IREB2: variants seen among roughly 807,000 people sequenced by gnomAD.
The protein encoded by IREB2 is iron-responsive element-binding protein 2.
IREB2 carries 39 observed loss-of-function variants against 118.8 expected under a neutral mutation model. The ratio of observed to expected loss-of-function variants is 0.33; its 90% CI spans 0.25 to 0.43. The LOEUF is 0.43. Among genes scored for constraint, IREB2 ranks in the 20% least tolerant of loss-of-function variants. The probability of loss-of-function intolerance (pLI) is 1.00; values close to 1 mark genes in which losing one functional copy is unlikely to be tolerated. For synonymous variants in IREB2, 372 were observed against 392.2 expected (o/e 0.95, Z 0.61); for missense variants, 900 against 1,147.3 (o/e 0.78, Z 3.11).
At chr15:78,456,213 C>T (rs2051102695) in intron 2 of IREB2, among the ~76,000 whole-genome samples, 1 of 152,134 alleles carries the variant, frequency 6.6e-6, no homozygotes, top group African/African-American at 2.4e-5. Flanking sequence ...TTGGCTACCA[C>T]AGGGAGAAAT....
Position 78,498,239 on chromosome 15 carries a change from G to T in IREB2, c.*96G>T. The T allele has an allele frequency of 1.5e-6, 1 of 663,516 alleles. No individual in the cohort carries two copies. Among genetic ancestry groups the T allele is most frequent in the African/African-American group, 1.8e-5 (1 of 55,008 alleles). The allele number at this position is 663,516 out of a possible 1,614,324, so 41.1% of individuals were successfully genotyped here. On this transcript the variant is annotated 3_prime_UTR_variant, in exon 22 of 22. Coordinates refer to ENST00000258886, the MANE Select transcript of IREB2 (RefSeq NM_004136.4). ...TACCATGGAGCAGCAGATAGTCCCA[G>T]TATACTCACTTATCTCATCCATGGA...
At position 78,438,323 on chromosome 15, in the gene IREB2, A is replaced by ATGCCCT; in HGVS notation, c.-14_-13insGCCCTT. On this transcript the variant is annotated 5_prime_UTR_variant, in exon 1 of 22. The change creates a new upstream start codon in the 5' untranslated region. Transcript: ENST00000258886. ...CGCTGGCCCCCTCCCCGGAGGGATA[A>ATGCCCT]TATGGTCTCCGGCGATGGACGCCCC... 6.3e-7 allele frequency: 1 copy of ATGCCCT among 1,588,036 alleles called. No individual in the cohort carries two copies. The highest frequency in any genetic ancestry group is 1.1e-5 in the South Asian group (1 of 87,092).
At chr15:78,455,328 G>A (rs888812160) in intron 2 of IREB2, among the ~76,000 whole-genome samples, 6 of 152,152 alleles carry the variant, frequency 3.9e-5, no homozygotes, top group South Asian at 2.1e-4. Context: ...GCACAAGAGC[G>A]TATGTAGAGG....
rs573516524 is a variant in IREB2 at position 78,488,993 on chromosome 15, G to A, written c.2076+222G>A. On this transcript the variant is annotated intron_variant, in intron 16 of 21. Coordinates refer to ENST00000258886, the MANE Select transcript of IREB2 (RefSeq NM_004136.4). ...CCGACACTTTGGGAGGCTGAAGCAG[G>A]TTGATCACGTGAGGTCCGGAGCTCA... Among the ~76,000 whole-genome samples, 5 of 152,344 alleles carry A rather than the reference G, an allele frequency of 3.3e-5. No individual in the cohort carries two copies. The South Asian group carries it at 1.0e-3, about 32-fold the overall frequency.
At chr15:78,485,169 T>A (rs2051638954) in intron 12 of IREB2, among the ~76,000 whole-genome samples, 1 of 152,244 alleles carries the variant, frequency 6.6e-6, no homozygotes, top group African/African-American at 2.4e-5. Flanking sequence ...CTTCTCTTGT[T>A]AATTTAGAAC....
At chr15:78,484,712 T>C (rs1439487856) in intron 11 of IREB2, 49 bp from the exon 12 acceptor site, 1 of 1,377,932 alleles carries the variant, frequency 7.3e-7, no homozygotes, top group Non-Finnish European at 1.0e-6. Context: ...TCTTTTATTC[T>C]GTACATACCC....
At chr15:78,492,116 T>G (rs2091598259) in intron 18 of IREB2, among the ~76,000 whole-genome samples, 1 of 152,150 alleles carries the variant, frequency 6.6e-6, no homozygotes, top group Admixed American at 6.5e-5. Context: ...ATGCACAAAT[T>G]TAGAATATTG....
intron 8 of IREB2, chr15:78,475,157 G>A (rs1054911842): frequency 6.7e-6 from 1 of 150,302 alleles, no homozygotes; most frequent in African/African-American, 2.4e-5. Context: ...TTTGGATTAA[G>A]TGATCCCTGG....
At chr15:78,497,351 A>G (rs754929181) in intron 21 of IREB2, 40 bp downstream of exon 21, 1 of 1,334,766 alleles carries the variant, frequency 7.5e-7, no homozygotes, top group Admixed American at 1.8e-5. Context: ...ATGCACTCAA[A>G]TGTTTATGAA....
chr15:78,458,573 C>G (rs965417701), intron 2 of IREB2, among the ~76,000 whole-genome samples: 3 of 152,112 alleles, frequency 2.0e-5, no homozygotes, highest in South Asian at 2.1e-4. Flanking sequence ...CCGTTCCCAG[C>G]TGGTCATCAT....
At chr15:78,462,243 TTG>T (rs1247696662) in intron 2 of IREB2, among the ~76,000 whole-genome samples, 1 of 152,206 alleles carries the variant, frequency 6.6e-6, no homozygotes, top group Non-Finnish European at 1.5e-5. Context: ...TGGTAATCCA[TTG>T]TGTGGATTAC....
intron 2 of IREB2, among the ~76,000 whole-genome samples, chr15:78,457,600 T>C (rs1287935397): frequency 6.6e-6 from 1 of 152,154 alleles, no homozygotes; most frequent in Non-Finnish European, 1.5e-5. Flanking sequence ...CAATCCTGAT[T>C]TCCTAAACTT....
chr15:78,438,508 C>A (rs1050824021), intron 1 of IREB2, 152 bp downstream of exon 1: 28 of 857,072 alleles, frequency 3.3e-5, no homozygotes, highest in Non-Finnish European at 4.9e-5. Context: ...CCTGCTGGGC[C>A]GCCCTTTGAG....
chr15:78,490,879 T>G (rs756937331), intron 18 of IREB2, 118 bp downstream of exon 18: 6 of 938,692 alleles, frequency 6.4e-6, no homozygotes, highest in African/African-American at 1.7e-5. Context: ...GTAATCTGAC[T>G]GCCAATGTGT....
At chr15:78,448,118 T>C (rs934788146) in intron 2 of IREB2, among the ~76,000 whole-genome samples, 2 of 152,200 alleles carry the variant, frequency 1.3e-5, no homozygotes, top group African/African-American at 4.8e-5. Context: ...TCAGACTCTC[T>C]CAATGGCAAT....
intron 4 of IREB2, 100 bp from the exon 5 acceptor site, chr15:78,466,171 A>G: frequency 1.5e-6 from 1 of 663,506 alleles, no homozygotes; most frequent in Non-Finnish European, 2.6e-6. Flanking sequence ...AACATCATTC[A>G]GTTACTTCCA....
In IREB2 at chr15:78,465,392, C is replaced by G; in HGVS notation, c.410+4C>G. ...TACAAATTGACTTCAGTAAATGGTA[C>G]TTCAATGCAGATATTTATAGACAGC... On this transcript the variant is annotated splice_donor_region_variant and intron_variant, in intron 4 of 21. Transcript: ENST00000258886. 2 of 1,605,990 alleles carry G rather than the reference C, an allele frequency of 1.2e-6. No homozygotes were observed. The highest frequency in any genetic ancestry group is 1.7e-6 in the Non-Finnish European group (2 of 1,176,704).
intron 9 of IREB2, 105 bp from the exon 10 acceptor site, chr15:78,478,192 G>A: frequency 2.8e-6 from 2 of 706,438 alleles, no homozygotes; most frequent in East Asian, 2.8e-5. Context: ...TGTGATTGCA[G>A]CACTGCGCTC....
intron 20 of IREB2, among the ~76,000 whole-genome samples, chr15:78,495,219 G>A (rs992405613): frequency 1.3e-5 from 2 of 152,112 alleles, no homozygotes; most frequent in African/African-American, 4.8e-5. Context: ...CCTTTAAAAT[G>A]TAAATACTCT....
Sources: allele counts gnomAD v4.1 joint callset (sites outside exome capture counted in the v4.1 genomes callset), GRCh38; gene constraint gnomAD v4.1.1; transcripts MANE v1.5; gene names NCBI Gene and HGNC (gene_info 2026-07-23, HGNC 2026-07-21).